The following ATG2A variants were observed in gnomAD, a reference collection of about 807,000 sequenced individuals.
The protein encoded by ATG2A is autophagy related 2A, also known as autophagy-related protein 2 homolog A.
In ATG2A, 103 loss-of-function variants were observed where a neutral mutation model predicts 214.2. The ratio of observed to expected loss-of-function variants is 0.48; its 90% CI spans 0.41 to 0.57. The LOEUF (loss-of-function observed/expected upper bound fraction) is 0.57. ATG2A is among the 20% of genes least tolerant of loss of function. The pLI, the probability that ATG2A is intolerant of heterozygous loss-of-function variation, is 0.00. For missense variants in ATG2A, 2,312 were observed against 2,613.2 expected, an observed-to-expected ratio of 0.88 and a Z score of 2.51; for synonymous variants, 1,160 against 1,142.1, an observed-to-expected ratio of 1.02 and a Z score of -0.32.
intron 23 of ATG2A, 28 bp downstream of exon 23, chr11:64,905,714 C>G: frequency 1.2e-6 from 2 of 1,613,838 alleles, no homozygotes; most frequent in South Asian, 1.1e-5. Context: ...ATCCCCGTCC[C>G]CAGCCCCTGG....
chr11:64,916,812 A>T, intron 1 of ATG2A, 153 bp downstream of exon 1: 1 of 1,007,208 alleles, frequency 9.9e-7, no homozygotes, highest in Non-Finnish European at 1.4e-6. Context: ...TGAAGAGGCC[A>T]GCCGGGGTGC....
rs748585470 is a variant in ATG2A at position 64,907,673 on chromosome 11, G to A, written c.2508-9C>T. The A allele has an allele frequency of 1.9e-6, 3 of 1,594,602 alleles. No individual in the cohort carries two copies. The South Asian group carries it at 3.4e-5, about 18-fold the overall frequency. ...GCAGGTCGTTGTTGATCCTGAGATA[G>A]GCGGGTGGACAGCAGGTAAGGGAGG... On this transcript the variant is annotated splice_polypyrimidine_tract_variant and intron_variant, in intron 17 of 40. Coordinates refer to ENST00000377264, the MANE Select transcript of ATG2A (RefSeq NM_015104.3).
rs1384081356 is a variant in ATG2A, at chr11:64,905,785, T to A, written c.3328A>T (p.Thr1110Ser). The A allele has an allele frequency of 6.2e-7, 1 of 1,613,830 alleles. No individual in the cohort carries two copies. The highest frequency in any genetic ancestry group is 1.7e-5 in the Admixed American group (1 of 60,022). Residue 1110 changes from threonine (T) to serine (S), a missense_variant, in exon 23 of 41, where the codon ACC becomes TCC. By Grantham distance (58) the Thr-to-Ser change is moderately conservative. Coordinates refer to ENST00000377264, the MANE Select transcript of ATG2A (RefSeq NM_015104.3). Reference protein sequence around the residue: ...VLGYLPPTVITILHTHLFSCS... With the variant: ...VLGYLPPTVISILHTHLFSCS... ...GAGAACAGGTGTGTGTGCAGGATGG[T>A]GATGACCGTCGGGGGCAGGTAGCCC...
rs1944858014 is a variant in ATG2A at position 64,913,455 on chromosome 11, C to G, written c.591-54G>C. On this transcript the variant is annotated intron_variant, in intron 4 of 40. Coordinates refer to ENST00000377264, the MANE Select transcript of ATG2A (RefSeq NM_015104.3). This position sits in a 1 kb window ranked among gnomAD's most constrained non-coding sequence, Gnocchi z 4.3. ...TGGCCACCCCAGGCCTGGAGCCCCT[C>G]TCTCCACACAGTGCTCTGCTCTAGG... The G allele has an allele frequency of 6.7e-7, 1 of 1,502,736 alleles. No individual in the cohort carries two copies. The highest frequency in any genetic ancestry group is 1.3e-5 in the South Asian group (1 of 76,462). The allele number at this position is 1,502,736 out of a possible 1,614,324, so 93.1% of individuals were successfully genotyped here.
Position 64,903,216 on chromosome 11 carries a change from G to A in ATG2A, c.3612+72C>T. 7.0e-6 allele frequency: 10 copies of A among 1,427,524 alleles called. No homozygotes were observed. Among genetic ancestry groups the A allele is most frequent in the Non-Finnish European group, 9.8e-6 (10 of 1,016,982 alleles). 88.4% of individuals were successfully genotyped at this position (1,427,524 alleles called of 1,614,324 possible). On this transcript the variant is annotated intron_variant, in intron 26 of 40. Transcript: ENST00000377264. The surrounding 1 kb of genome is among the most constrained non-coding windows in gnomAD (Gnocchi z 4.2). ...CGGAGCCCAGGCACGTGAGGGAGCA[G>A]CAGCCCCTGAAGACTCCCTTGGCCC... is the stretch of plus-strand genomic sequence containing the variant.
rs776373152 is a variant in ATG2A at position 64,911,103 on chromosome 11, G to A, written c.1401C>T (p.Phe467=). Residue 467 remains phenylalanine (F), a synonymous_variant, in exon 10 of 41, where the codon TTC becomes TTT. Coordinates refer to ENST00000377264, the MANE Select transcript of ATG2A (RefSeq NM_015104.3). ...GAAGGTGATGGAAGTCTCGGGAACC[G>A]AAGGGCCCATCCTTGGTGGCATCAA... ...TEFDATKDGP[F]GSRDFHHLRP... is the part of the protein sequence containing the mutation. 5 of 1,613,990 alleles carry A rather than the reference G, an allele frequency of 3.1e-6. No homozygotes were observed. Among genetic ancestry groups the A allele is most frequent in the African/African-American group, 2.7e-5 (2 of 74,942 alleles).
At position 64,913,375 on chromosome 11, in the gene ATG2A, C is replaced by G. The variant is rs749624588; in HGVS notation, c.617G>C (p.Arg206Pro). The change falls in exon 5 of 41, where the codon CGG becomes CCG. Residue 206 changes from arginine (R) to proline (P), a missense_variant. By Grantham distance (103) the Arg-to-Pro change is moderately radical. Transcript: ENST00000377264. The surrounding 1 kb of genome is among the most constrained non-coding windows in gnomAD (Gnocchi z 4.3). ...CACCGGCGGCGCCTGGCTTGGGTCC[C>G]GCACTGCCTCATCACAGTACTCCAG... Reference protein sequence around the residue: ...QRLEYCDEAVRDPSQAPPVDV... With the variant: ...QRLEYCDEAVPDPSQAPPVDV... 6 of 1,596,520 alleles carry G rather than the reference C, an allele frequency of 3.8e-6. No homozygotes were observed. Among genetic ancestry groups the G allele is most frequent in the Non-Finnish European group, 5.1e-6 (6 of 1,172,876 alleles).
At chr11:64,909,244 T>G in intron 15 of ATG2A, 27 bp downstream of exon 15, 1 of 1,612,880 alleles carries the variant, frequency 6.2e-7, no homozygotes, top group East Asian at 2.2e-5. Flanking sequence ...CCTCCTCTCC[T>G]GGGCCCAGTC....
At position 64,906,396 on chromosome 11, in the gene ATG2A, G is replaced by A. The variant is rs776037276; in HGVS notation, c.3121C>T (p.Arg1041Trp). ...RGASGRKGQGRGPHMLSTAVR... is the reference protein window; with the variant it reads ...RGASGRKGQGWGPHMLSTAVR... ...GCAGTGGACAACATGTGGGGTCCCCGGCCCTGGCCCTTGCGGCCCGAGGCT... is the reference window on the plus strand; with the variant it reads ...GCAGTGGACAACATGTGGGGTCCCCAGCCCTGGCCCTTGCGGCCCGAGGCT... Residue 1041 changes from arginine to tryptophan, a missense_variant, in exon 21 of 41, where the codon CGG becomes TGG. Coordinates refer to ENST00000377264, the MANE Select transcript of ATG2A (RefSeq NM_015104.3). The A allele has an allele frequency of 2.1e-5, 34 of 1,613,170 alleles. No individual in the cohort carries two copies. Among genetic ancestry groups the A allele is most frequent in the African/African-American group, 4.0e-5 (3 of 74,926 alleles).
intron 29 of ATG2A, among the ~76,000 whole-genome samples, chr11:64,901,571 G>A (rs1944352264): frequency 6.6e-6 from 1 of 152,100 alleles, no homozygotes; most frequent in South Asian, 2.1e-4. Flanking sequence ...AGAGGAGCCT[G>A]AGAATGCCAG....
chr11:64,909,922 T>A lies in ATG2A; in HGVS notation c.1866A>T (p.Thr622=), dbSNP rs375409243. The change falls in exon 14 of 41, where the codon ACA becomes ACT. Residue 622 remains threonine, a splice_region_variant and synonymous_variant. Coordinates refer to ENST00000377264, the MANE Select transcript of ATG2A (RefSeq NM_015104.3). ...VPAEPPAGLL[T]EPLPAMEQQT... ...GCTGCTCCATCGCCGGCAGGGGCTC[T>A]GTCTGCAGGAGGATTGGGGGTCAGA... 3 of 1,599,732 alleles carry A rather than the reference T, an allele frequency of 1.9e-6. No homozygotes were observed. The highest frequency in any genetic ancestry group is 2.6e-6 in the Non-Finnish European group (3 of 1,173,618).
In ATG2A at chr11:64,903,012, A is replaced by G. The variant is rs952743673; in HGVS notation, c.3612+276T>C. Reference sequence around the variant, plus strand: ...CAGGAGATGAATCCGGGGACCTACAAAGGTGGCTGATTCCCAGGGCCTCGC... The same window carrying G: ...CAGGAGATGAATCCGGGGACCTACAGAGGTGGCTGATTCCCAGGGCCTCGC... On this transcript the variant is annotated intron_variant, in intron 26 of 40. Coordinates refer to ENST00000377264, the MANE Select transcript of ATG2A (RefSeq NM_015104.3). The surrounding 1 kb of genome is among the most constrained non-coding windows in gnomAD (Gnocchi z 4.2). Among the ~76,000 whole-genome samples, 1 of 151,646 alleles carries G rather than the reference A, an allele frequency of 6.6e-6. No homozygotes were observed. The highest frequency in any genetic ancestry group is 2.4e-5 in the African/African-American group (1 of 41,300).
Position 64,917,174 on chromosome 11 carries a change from C to G in ATG2A, c.-39G>C, listed in dbSNP as rs1310753522. 6.4e-7 allele frequency: 1 copy of G among 1,555,638 alleles called. No homozygotes were observed. Among genetic ancestry groups the G allele is most frequent in the Non-Finnish European group, 8.7e-7 (1 of 1,150,474 alleles). On this transcript the variant is annotated 5_prime_UTR_variant, in exon 1 of 41. Transcript: ENST00000377264. The stretch of plus-strand genomic sequence containing the variant: ...GGGCCTGGGCCGCCTCCGCTTGCCG[C>G]CCGCCGGCGATCCCCGTCCGGCTCC...
chr11:64,902,936 C>T (rs1030055527), intron 26 of ATG2A, among the ~76,000 whole-genome samples: 5 of 151,866 alleles, frequency 3.3e-5, no homozygotes, highest in African/African-American at 9.7e-5. Flanking sequence ...CCCCACTCCC[C>T]GTGAAGGGCT....
intron 9 of ATG2A, 66 bp downstream of exon 9, chr11:64,911,776 C>G: frequency 6.3e-7 from 1 of 1,594,176 alleles, no homozygotes; most frequent in South Asian, 1.1e-5. Flanking sequence ...CTCTGACAGC[C>G]CACGGCACTA....
chr11:64,911,856 TGGG>T lies in ATG2A; in HGVS notation c.1211_1213del (p.Ala404_Gln405delinsGlu). On this transcript the variant is annotated inframe_deletion, in exon 9 of 41. Coordinates refer to ENST00000377264, the MANE Select transcript of ATG2A (RefSeq NM_015104.3). Reference sequence around the variant, plus strand: ...CTCCAACTCACCAGCTGGGTGGGCCTGGGCAGAGAGCCGGCGGGAGGCCATGTC... The same window carrying T: ...CTCCAACTCACCAGCTGGGTGGGCCTCAGAGAGCCGGCGGGAGGCCATGTC... The T allele has an allele frequency of 6.2e-7, 1 of 1,613,064 alleles. No individual in the cohort carries two copies. Among genetic ancestry groups the T allele is most frequent in the Non-Finnish European group, 8.5e-7 (1 of 1,179,908 alleles).
In ATG2A at chr11:64,902,590, G is replaced by C; in HGVS notation, c.3703C>G (p.Gln1235Glu). The change falls in exon 27 of 41, where the codon CAG becomes GAG. Residue 1235 changes from glutamine (Q) to glutamate (E), a missense_variant. Transcript: ENST00000377264. ...AGATCGCCTGTGCTCATTACGTACT[G>C]GAGCAGGTTGACCAGCAGGGCACAG... ...DSCALLVNLL[Q>E]YVMSTGDLHP... is the part of the protein sequence containing the mutation. 1 of 1,608,500 alleles carries C rather than the reference G, an allele frequency of 6.2e-7. No homozygotes were observed. The highest frequency in any genetic ancestry group is 8.5e-7 in the Non-Finnish European group (1 of 1,179,014).
Position 64,910,693 on chromosome 11 carries a change from C to T in ATG2A, c.1630G>A (p.Gly544Ser), listed in dbSNP as rs1401485581. The T allele has an allele frequency of 6.2e-7, 1 of 1,609,732 alleles. No homozygotes were observed. The change falls in exon 12 of 41, where the codon GGT becomes AGT. Residue 544 changes from glycine to serine, a missense_variant. By Grantham distance (56) the Gly-to-Ser change is moderately conservative (BLOSUM62 0). Transcript: ENST00000377264. Reference protein sequence around the residue: ...PEYTEILTFPGTLGSQASARP... With the variant: ...PEYTEILTFPSTLGSQASARP... Reference sequence around the variant, plus strand: ...GCTGAGGCCTGGGAGCCCAGCGTACCAGGAAAGGTCAGGATCTGGGATGGG... The same window carrying T: ...GCTGAGGCCTGGGAGCCCAGCGTACTAGGAAAGGTCAGGATCTGGGATGGG...
chr11:64,912,309 GC>G lies in ATG2A; in HGVS notation c.922+17del. 8.8e-7 allele frequency: 1 copy of G among 1,142,570 alleles called. No homozygotes were observed. Among genetic ancestry groups the G allele is most frequent in the Non-Finnish European group, 1.2e-6 (1 of 813,234 alleles). 70.8% of individuals were successfully genotyped at this position (1,142,570 alleles called of 1,614,324 possible). ...GCCCTCCCAGCCACCCCACCCCCATGCCACCCAGGGGCCTCACCTGTAAGGC... is the reference window on the plus strand; with the variant it reads ...GCCCTCCCAGCCACCCCACCCCCATGCACCCAGGGGCCTCACCTGTAAGGC... On this transcript the variant is annotated intron_variant, in intron 7 of 40. Coordinates refer to ENST00000377264, the MANE Select transcript of ATG2A (RefSeq NM_015104.3).
Sources: gnomAD v4.1 joint callset for allele counts (sites outside exome capture counted in the v4.1 genomes callset) on GRCh38, gnomAD v4.1.1 for gene constraint, Gnocchi (gnomAD v3.1) non-coding constraint, MANE v1.5 for transcripts, NCBI Gene and HGNC (gene_info 2026-07-23, HGNC 2026-07-21) for gene names.